MDM2: variants seen among roughly 807,000 people sequenced by gnomAD.
The protein encoded by MDM2 is MDM2 proto-oncogene, also known as E3 ubiquitin-protein ligase Mdm2.
Under a neutral mutation model 64.3 loss-of-function variants are expected in MDM2, and 11 were observed. That is an observed-to-expected ratio of 0.17 (90% CI 0.11 to 0.28). The LOEUF is 0.28. Among genes scored for constraint, MDM2 ranks in the 10% least tolerant of loss-of-function variants. The pLI is 1.00. For synonymous variants in MDM2, 194 were observed against 192.9 expected (o/e 1.01, Z -0.05); for missense variants, 388 against 577.1 (o/e 0.67, Z 3.36).
intron 9 of MDM2, among the ~76,000 whole-genome samples, chr12:68,836,421 G>T (rs942573462): frequency 7.9e-5 from 12 of 152,018 alleles, no homozygotes; most frequent in Non-Finnish European, 2.9e-5. Flanking sequence ...TATTTATGAA[G>T]TAAAACCACC....
rs2136138521 is a variant in MDM2 at position 68,824,586 on chromosome 12, C to G, written c.458C>G (p.Pro153Arg). 6.2e-7 allele frequency: 1 copy of G among 1,613,628 alleles called. No homozygotes were observed. Among genetic ancestry groups the G allele is most frequent in the South Asian group, 1.1e-5 (1 of 90,994 alleles). ...GTACAAGAGCTTCAGGAAGAGAAAC[C>G]TTCATCTTCACATTTGGTTTCTAGA... Reference protein sequence around the residue: ...DLVQELQEEKPSSSHLVSRPS... With the variant: ...DLVQELQEEKRSSSHLVSRPS... The change falls in exon 7 of 11, where the codon CCT becomes CGT. Residue 153 changes from proline (P) to arginine (R), a missense_variant. This residue lies in a region of MDM2 where 168 missense variants were observed against 236.6 expected (regional missense o/e 0.71). Transcript: ENST00000258149.
rs2136105435 is a variant in MDM2 at position 68,809,192 on chromosome 12, T to C, written c.15-16T>C. The C allele has an allele frequency of 6.2e-7, 1 of 1,601,764 alleles. No homozygotes were observed. The stretch of plus-strand genomic sequence containing the variant: ...CATGATTTCCAGTTTTCATCGTGTC[T>C]TTTTTTTCCTTGTAGGCAAATGTGC... On this transcript the variant is annotated splice_polypyrimidine_tract_variant and intron_variant, in intron 1 of 10. Coordinates refer to ENST00000258149, the MANE Select transcript of MDM2 (RefSeq NM_002392.6).
At chr12:68,809,414 AGT>A (rs1291375854) in intron 2 of MDM2, 122 bp downstream of exon 2, 1 of 898,464 alleles carries the variant, frequency 1.1e-6, no homozygotes, top group African/African-American at 1.7e-5. Flanking sequence ...CATAGCTTAA[AGT>A]GTGCTACCTC....
At position 68,842,140 on chromosome 12, in the gene MDM2, A is replaced by G. The variant is rs1883818263; in HGVS notation, c.*2291A>G. ...TTTGAATTTGAAAAATATAGTAACA[A>G]GCCTGTCAAATATCTGCAAGAACTA... On this transcript the variant is annotated 3_prime_UTR_variant, in exon 11 of 11. Transcript: ENST00000258149. 3 of 458,872 alleles carry G rather than the reference A, an allele frequency of 6.5e-6. No individual in the cohort carries two copies. Among genetic ancestry groups the G allele is most frequent in the African/African-American group, 2.0e-5 (1 of 50,252 alleles). 28.4% of individuals were successfully genotyped at this position (458,872 alleles called of 1,614,324 possible).
chr12:68,812,405 C>A (rs1054744046), intron 2 of MDM2, among the ~76,000 whole-genome samples: 5 of 152,092 alleles, frequency 3.3e-5, no homozygotes, highest in African/African-American at 9.7e-5. Flanking sequence ...TGCAGAGGTA[C>A]CAGTTTGTGT....
In MDM2 at chr12:68,841,650, C is replaced by T. The variant is rs758087887; in HGVS notation, c.*1801C>T. On this transcript the variant is annotated 3_prime_UTR_variant, in exon 11 of 11. Transcript: ENST00000258149. ...AGACACTTTAAAGTACCTTCTTGGC[C>T]TGGGTTACATGGTTCCCAGCCTAGG... is the stretch of plus-strand genomic sequence containing the variant. 3 of 209,652 alleles carry T rather than the reference C, an allele frequency of 1.4e-5. No homozygotes were observed. The highest frequency in any genetic ancestry group is 1.9e-5 in the Non-Finnish European group (2 of 103,300). The allele number at this position is 209,652 out of a possible 1,614,324, so 13.0% of individuals were successfully genotyped here.
At position 68,841,998 on chromosome 12, in the gene MDM2, T is replaced by A. The variant is rs1883807840; in HGVS notation, c.*2149T>A. On this transcript the variant is annotated 3_prime_UTR_variant, in exon 11 of 11. Transcript: ENST00000258149. ...ATGTTCATCTGCAGCTGTTGCAAGG[T>A]GTTCAGATTGTATAAACATAAATGT... 1 of 398,108 alleles carries A rather than the reference T, an allele frequency of 2.5e-6. No individual in the cohort carries two copies. The allele number at this position is 398,108 out of a possible 1,614,324, so 24.7% of individuals were successfully genotyped here.
chr12:68,833,075 G>C (rs543787728), intron 8 of MDM2, among the ~76,000 whole-genome samples: 22 of 129,984 alleles, frequency 1.7e-4, no homozygotes, highest in Non-Finnish European at 2.7e-4. Context: ...GCAGTGAGCC[G>C]AGATGGTGCC....
intron 4 of MDM2, among the ~76,000 whole-genome samples, chr12:68,817,356 G>A (rs985195704): frequency 2.0e-5 from 3 of 152,154 alleles, no homozygotes; most frequent in Non-Finnish European, 4.4e-5. Context: ...ATACCACCAC[G>A]TGGTAAAGGC....
intron 8 of MDM2, among the ~76,000 whole-genome samples, chr12:68,831,510 G>A (rs1345808965): frequency 1.3e-5 from 2 of 152,130 alleles, no homozygotes; most frequent in African/African-American, 4.8e-5. Context: ...GGTACCTGAT[G>A]GAGCAAGGGC....
At chr12:68,820,730 T>C (rs1881773446) in intron 5 of MDM2, among the ~76,000 whole-genome samples, 1 of 152,238 alleles carries the variant, frequency 6.6e-6, no homozygotes, top group Non-Finnish European at 1.5e-5. Flanking sequence ...TGTGTAAGGA[T>C]GAAGGATGAG....
At chr12:68,827,082 G>T (rs958713672) in intron 7 of MDM2, among the ~76,000 whole-genome samples, 45 of 152,168 alleles carry the variant, frequency 3.0e-4, no homozygotes, top group African/African-American at 1.1e-3. Context: ...GGAGGCTGAG[G>T]CAGGAGAATT....
intron 8 of MDM2, 87 bp from the exon 9 acceptor site, chr12:68,835,742 C>T (rs1395282230): frequency 1.8e-5 from 23 of 1,296,026 alleles, no homozygotes; most frequent in Non-Finnish European, 2.3e-5. Flanking sequence ...CTGCTGGCAG[C>T]AGCAGAGGCA....
chr12:68,816,616 C>T lies in MDM2; in HGVS notation c.175-196C>T, dbSNP rs3730527. 1.9e-3 allele frequency among the ~76,000 whole-genome samples: 289 copies of T among 152,104 alleles called. 1 individual carries two copies. The highest frequency in any genetic ancestry group is 3.3e-3 in the Non-Finnish European group (227 of 67,970). On this transcript the variant is annotated intron_variant, in intron 3 of 10. Coordinates refer to ENST00000258149, the MANE Select transcript of MDM2 (RefSeq NM_002392.6). ...TCGTGATCCATCCGCTTCGGCCTCC[C>T]GAAGTACTGGGATTACAGGTGTGAG...
At chr12:68,831,789 C>T (rs530685564) in intron 8 of MDM2, among the ~76,000 whole-genome samples, 104 of 152,232 alleles carry the variant, frequency 6.8e-4, no homozygotes, top group African/African-American at 2.1e-3. Flanking sequence ...AAATCTCAGC[C>T]GGGCGTGGTG....
chr12:68,841,916 G>A lies in MDM2; in HGVS notation c.*2067G>A. On this transcript the variant is annotated 3_prime_UTR_variant, in exon 11 of 11. Transcript: ENST00000258149. ...GTTTGGTCAGTGGAGGCCCATCCGA[G>A]CTCAGCACTGAGAAGTGTTAGTTTC... The A allele has an allele frequency of 3.9e-6, 1 of 257,266 alleles. No individual in the cohort carries two copies. The highest frequency in any genetic ancestry group is 4.8e-5 in the Admixed American group (1 of 20,776). The allele number at this position is 257,266 out of a possible 1,614,324, so 15.9% of individuals were successfully genotyped here.
intron 8 of MDM2, among the ~76,000 whole-genome samples, chr12:68,831,798 T>A (rs1343567346): frequency 6.6e-6 from 1 of 152,244 alleles, no homozygotes; most frequent in Non-Finnish European, 1.5e-5. Context: ...CCGGGCGTGG[T>A]GGCTCATGCC....
At chr12:68,834,925 A>G (rs1184157130) in intron 8 of MDM2, among the ~76,000 whole-genome samples, 1 of 152,162 alleles carries the variant, frequency 6.6e-6, no homozygotes, top group Non-Finnish European at 1.5e-5. Flanking sequence ...TTCTTATACA[A>G]TTTATTGAAG....
chr12:68,841,883 A>G lies in MDM2; in HGVS notation c.*2034A>G. The G allele has an allele frequency of 4.5e-6, 1 of 220,030 alleles. No individual in the cohort carries two copies. The allele number at this position is 220,030 out of a possible 1,614,324, so 13.6% of individuals were successfully genotyped here. On this transcript the variant is annotated 3_prime_UTR_variant, in exon 11 of 11. Coordinates refer to ENST00000258149, the MANE Select transcript of MDM2 (RefSeq NM_002392.6). ...CAAGATACCTCTTGACTTCCTCTCA[A>G]GCTCCGTGTTTGGTCAGTGGAGGCC...
Sources: gnomAD v4.1 joint callset for allele counts (sites outside exome capture counted in the v4.1 genomes callset) on GRCh38, gnomAD v4.1.1 for gene constraint, gnomAD v4.1.1 regional missense constraint, MANE v1.5 for transcripts, NCBI Gene and HGNC (gene_info 2026-07-23, HGNC 2026-07-21) for gene names.